The following SLC24A2 variants were observed in gnomAD, a reference collection of about 807,000 sequenced individuals.
The protein encoded by SLC24A2 is sodium/potassium/calcium exchanger 2.
A neutral mutation model predicts 62.0 loss-of-function variants in SLC24A2; 36 were observed. The observed-to-expected ratio is 0.58, with a 90% confidence interval of 0.44 to 0.77. SLC24A2 has a LOEUF of 0.77. SLC24A2 is among the 30% of genes least tolerant of loss of function. SLC24A2 has a pLI of 0.00. For synonymous variants in SLC24A2, 358 were observed against 294.0 expected, an observed-to-expected ratio of 1.22 and a Z score of -2.23; for missense variants, 846 against 817.9, an observed-to-expected ratio of 1.03 and a Z score of -0.42.
At chr9:20,145,637 A>ACACC in the SLC24A2 span, among the ~76,000 whole-genome samples, 1 of 150,278 alleles carries the variant, frequency 6.7e-6, no homozygotes, top group Non-Finnish European at 1.5e-5. Context: ...GTGCAATTAC[A>ACACC]CATATATACA....
intron 2 of SLC24A2, among the ~76,000 whole-genome samples, chr9:19,622,638 A>G (rs755727000): frequency 6.6e-6 from 1 of 152,236 alleles, no homozygotes; most frequent in East Asian, 1.9e-4. Context: ...ATGTTCTGAC[A>G]TGGAAAATAT....
At chr9:20,094,150 A>G in the SLC24A2 span, among the ~76,000 whole-genome samples, 1 of 152,170 alleles carries the variant, frequency 6.6e-6, no homozygotes, top group Non-Finnish European at 1.5e-5. Context: ...AAATTATACT[A>G]TATGTCCTTA....
At chr9:19,693,772 C>T (rs970608027) in intron 2 of SLC24A2, among the ~76,000 whole-genome samples, 3 of 151,930 alleles carry the variant, frequency 2.0e-5, no homozygotes, top group Admixed American at 6.6e-5. Flanking sequence ...AGGTGATTTC[C>T]GAGGCACTCT....
At chr9:19,971,176 T>C in the SLC24A2 span, among the ~76,000 whole-genome samples, 2 of 152,206 alleles carry the variant, frequency 1.3e-5, no homozygotes, top group Non-Finnish European at 2.9e-5. Flanking sequence ...TCAGTCATCC[T>C]AGCTGAAACT....
chr9:20,241,120 C>T, the SLC24A2 span, among the ~76,000 whole-genome samples: 2 of 152,200 alleles, frequency 1.3e-5, no homozygotes, highest in African/African-American at 4.8e-5. Context: ...ACCAATGAAA[C>T]CACGTGTCTT....
At chr9:19,902,150 T>C in the SLC24A2 span, among the ~76,000 whole-genome samples, 1 of 152,156 alleles carries the variant, frequency 6.6e-6, no homozygotes, top group South Asian at 2.1e-4. Flanking sequence ...TGCTGGTTGG[T>C]TGTGTCTAAA....
the SLC24A2 span, among the ~76,000 whole-genome samples, chr9:20,100,124 G>C: frequency 0.12 from 17,858 of 151,882 alleles, 1,155 homozygotes; most frequent in Middle Eastern, 0.17. Flanking sequence ...ATCCTCCCAC[G>C]TCAGCTTCCC....
chr9:20,049,910 G>C, the SLC24A2 span, among the ~76,000 whole-genome samples: 2 of 151,998 alleles, frequency 1.3e-5, no homozygotes, highest in African/African-American at 4.8e-5. Flanking sequence ...GAAGAAAAAA[G>C]GGGAAAACAA....
At chr9:20,244,436 C>A in the SLC24A2 span, among the ~76,000 whole-genome samples, 20 of 152,282 alleles carry the variant, frequency 1.3e-4, no homozygotes, top group African/African-American at 4.8e-4. Flanking sequence ...CCAGGCCAGG[C>A]AGAGGACCCG....
chr9:19,650,444 C>T (rs1193526390), intron 2 of SLC24A2, among the ~76,000 whole-genome samples: 4 of 152,144 alleles, frequency 2.6e-5, no homozygotes, highest in African/African-American at 9.7e-5. Flanking sequence ...CCATAGCTAC[C>T]ATTTTGCTGG....
the SLC24A2 span, among the ~76,000 whole-genome samples, chr9:20,133,129 G>A: frequency 1.3e-5 from 2 of 152,148 alleles, no homozygotes; most frequent in East Asian, 3.9e-4. Flanking sequence ...GTAGGGCAGA[G>A]GATTTTCCCT....
chr9:20,256,141 T>C, the SLC24A2 span, among the ~76,000 whole-genome samples: 5 of 152,254 alleles, frequency 3.3e-5, no homozygotes, highest in African/African-American at 1.2e-4. Context: ...CCTCATGGCC[T>C]GATCATCTCT....
the SLC24A2 span, among the ~76,000 whole-genome samples, chr9:20,180,217 G>A: frequency 6.6e-6 from 1 of 151,988 alleles, no homozygotes; most frequent in African/African-American, 2.4e-5. Flanking sequence ...AAGTTTTCTT[G>A]TTTGTAAATT....
the SLC24A2 span, among the ~76,000 whole-genome samples, chr9:20,099,661 T>A: frequency 6.6e-6 from 1 of 152,166 alleles, no homozygotes. Context: ...TGACCAAACA[T>A]CAACCCTACA....
At chr9:20,099,484 T>A in the SLC24A2 span, among the ~76,000 whole-genome samples, 1 of 152,192 alleles carries the variant, frequency 6.6e-6, no homozygotes, top group African/African-American at 2.4e-5. Flanking sequence ...ATCCTATACG[T>A]TCTTATAGTT....
intron 4 of SLC24A2, among the ~76,000 whole-genome samples, chr9:19,604,438 G>T (rs1389353192): frequency 6.6e-6 from 1 of 152,214 alleles, no homozygotes; most frequent in Non-Finnish European, 1.5e-5. Flanking sequence ...GCTGGCTAGA[G>T]AACAACTTGG....
At chr9:19,653,732 C>A (rs1323863279) in intron 2 of SLC24A2, among the ~76,000 whole-genome samples, 2 of 152,132 alleles carry the variant, frequency 1.3e-5, no homozygotes, top group African/African-American at 4.8e-5. Context: ...CAATGCCTGG[C>A]ATATAGTAGT....
the SLC24A2 span, among the ~76,000 whole-genome samples, chr9:20,134,147 A>C: frequency 2.6e-5 from 4 of 152,182 alleles, no homozygotes; most frequent in Non-Finnish European, 5.9e-5. Context: ...ATACTCAAGA[A>C]AGCTTCCTAT....
intron 7 of SLC24A2, among the ~76,000 whole-genome samples, chr9:19,555,881 G>T (rs909097728): frequency 6.6e-6 from 1 of 152,278 alleles, no homozygotes; most frequent in East Asian, 1.9e-4. Context: ...GGAGGCAGAG[G>T]TTGCAGTGAA....
Sources: gnomAD v4.1 joint callset for allele counts (sites outside exome capture counted in the v4.1 genomes callset) on GRCh38, gnomAD v4.1.1 for gene constraint, MANE v1.5 for transcripts, NCBI Gene and HGNC (gene_info 2026-07-23, HGNC 2026-07-21) for gene names.